The following RXRA variants were observed in gnomAD, a reference collection of about 807,000 sequenced individuals.
RXRA encodes the protein retinoid X receptor alpha, also known as retinoic acid receptor RXR-alpha.
RXRA carries 5 observed loss-of-function variants against 44.5 expected under a neutral mutation model. The ratio of observed to expected loss-of-function variants is 0.11; its 90% confidence interval spans 0.06 to 0.24. RXRA has a LOEUF of 0.24. RXRA is among the 10% of genes least tolerant of loss of function. The pLI is 1.00. For synonymous variants in RXRA, 291 were observed against 271.4 expected, an observed-to-expected ratio of 1.07 and a Z score of -0.71; for missense variants, 412 against 646.5, an observed-to-expected ratio of 0.64 and a Z score of 3.93.
intron 2 of RXRA, chr9:134,403,842 G>A (rs1437625774): frequency 1.3e-5 from 2 of 152,336 alleles, no homozygotes; most frequent in African/African-American, 4.8e-5. Context: ...GAGGTCCCCG[G>A]GGTGGGTGTG....
In RXRA at chr9:134,433,944, G is replaced by C. The variant is rs1372112567; in HGVS notation, c.1136-158G>C. 3.3e-5 allele frequency among the ~76,000 whole-genome samples: 5 copies of C among 151,982 alleles called. No individual in the cohort carries two copies. Among genetic ancestry groups the C allele is most frequent in the Non-Finnish European group, 7.4e-5 (5 of 67,982 alleles). On this transcript the variant is annotated intron_variant, in intron 8 of 9. Coordinates refer to ENST00000481739, the MANE Select transcript of RXRA (RefSeq NM_002957.6). This position sits in a 1 kb window ranked among gnomAD's most constrained non-coding sequence, Gnocchi z 4.2. ...AGTCGTCCCCCTGCCACCAGGCTCT[G>C]GGGGAGCGGGCGGAGGCATGTCCAG...
rs576830013 is a variant in RXRA at position 134,395,626 on chromosome 9, T to C, written c.29-6006T>C. On this transcript the variant is annotated intron_variant, in intron 1 of 9. Transcript: ENST00000481739. ...CCCTGGCTCAGAGCAGGGGCCTGAG[T>C]GTCCATGTTCCCGCAGGTGGGTGAC... Among the ~76,000 whole-genome samples, 677 of 152,198 alleles carry C rather than the reference T, an allele frequency of 4.4e-3. 1 individual carries two copies. The highest frequency in any genetic ancestry group is 7.1e-3 in the Non-Finnish European group (486 of 68,002).
At chr9:134,422,405 G>A (rs1208670213) in intron 6 of RXRA, 23 of 1,251,374 alleles carry the variant, frequency 1.8e-5, no homozygotes, top group East Asian at 6.0e-5. Flanking sequence ...CCCCCGTCCC[G>A]TGACATTCCA....
chr9:134,439,688 T>C lies in RXRA; in HGVS notation c.*3074T>C, dbSNP rs562857335. 6.5e-6 allele frequency: 1 copy of C among 152,774 alleles called. No individual in the cohort carries two copies. The highest frequency in any genetic ancestry group is 6.5e-5 in the Admixed American group (1 of 15,312). The allele number at this position is 152,774 out of a possible 1,614,324, so 9.5% of individuals were successfully genotyped here. A position where few individuals can be genotyped will look rare whatever the true frequency, so the allele number is the denominator to read the frequency against. ...TGGTGTCCCTGTCGTGGAGCTGGGG[T>C]GCGTGATCTGGTGCTCGTCCACGCA... On this transcript the variant is annotated 3_prime_UTR_variant, in exon 10 of 10. Transcript: ENST00000481739.
chr9:134,398,744 A>G (rs1020956663), intron 1 of RXRA, among the ~76,000 whole-genome samples: 1 of 152,208 alleles, frequency 6.6e-6, no homozygotes, highest in African/African-American at 2.4e-5. Context: ...GTCTTCTCCC[A>G]TGGCCTTAAA....
rs1306443269 is a variant in RXRA at position 134,436,923 on chromosome 9, G to A, written c.*309G>A. ...CTGCCACACCCCACGGGGCTTGGGC[G>A]ACTACAGGGTCTTCGGGCCCCAGCC... On this transcript the variant is annotated 3_prime_UTR_variant, in exon 10 of 10. Coordinates refer to ENST00000481739, the MANE Select transcript of RXRA (RefSeq NM_002957.6). 3 of 358,800 alleles carry A rather than the reference G, an allele frequency of 8.4e-6. No individual in the cohort carries two copies. The highest frequency in any genetic ancestry group is 5.4e-5 in the East Asian group (1 of 18,384). 22.2% of individuals were successfully genotyped at this position (358,800 alleles called of 1,614,324 possible). A position where few individuals can be genotyped will look rare whatever the true frequency, so the allele number is the denominator to read the frequency against.
chr9:134,329,454 G>C (rs1386031690), intron 1 of RXRA, among the ~76,000 whole-genome samples: 1 of 152,218 alleles, frequency 6.6e-6, no homozygotes, highest in African/African-American at 2.4e-5. Context: ...GGCCCAGTCC[G>C]ATGGTGGCCC....
At chr9:134,409,761 T>C (rs973720267) in intron 4 of RXRA, among the ~76,000 whole-genome samples, 1 of 152,164 alleles carries the variant, frequency 6.6e-6, no homozygotes, top group African/African-American at 2.4e-5. Context: ...GGCCTCTTAG[T>C]GGGTCCCTGG....
intron 1 of RXRA, among the ~76,000 whole-genome samples, chr9:134,374,453 G>GCGCTGGTCACTGGT (rs1243145584): frequency 6.6e-6 from 1 of 152,218 alleles, no homozygotes; most frequent in Admixed American, 6.5e-5. Context: ...GGTGTGGGCT[G>GCGCTGGTCACTGGT]CGCTGGTCAC....
intron 6 of RXRA, chr9:134,425,033 ACCTGCAATT>A (rs1316981821): frequency 1.0e-6 from 1 of 985,300 alleles, no homozygotes; most frequent in African/African-American, 1.7e-5. Flanking sequence ...GGGTGCCCAG[ACCTGCAATT>A]CCCACCATCG....
At chr9:134,356,561 G>A (rs989732345) in intron 1 of RXRA, among the ~76,000 whole-genome samples, 5 of 152,348 alleles carry the variant, frequency 3.3e-5, no homozygotes, top group African/African-American at 4.8e-5. Context: ...GGGAAGGTCC[G>A]TGGCTGGAGA....
intron 1 of RXRA, among the ~76,000 whole-genome samples, chr9:134,357,351 G>T (rs918029224): frequency 1.3e-5 from 2 of 152,220 alleles, no homozygotes; most frequent in Non-Finnish European, 2.9e-5. Flanking sequence ...GGGAAAAGGG[G>T]ACTTTCAGGG....
intron 1 of RXRA, chr9:134,379,390 T>G (rs185632478): frequency 4.1e-6 from 4 of 987,514 alleles, no homozygotes; most frequent in Admixed American, 6.1e-5. Context: ...GTGAGCTGCT[T>G]CTGGGGCACC....
chr9:134,432,152 G>A (rs1177312239), intron 8 of RXRA, among the ~76,000 whole-genome samples, 156 bp downstream of exon 8: 1 of 152,170 alleles, frequency 6.6e-6, no homozygotes, highest in African/African-American at 2.4e-5. Context: ...TGAAAGTGTG[G>A]CCATGCTGCC....
intron 1 of RXRA, among the ~76,000 whole-genome samples, chr9:134,338,062 G>A (rs933015738): frequency 1.3e-4 from 20 of 152,212 alleles, no homozygotes; most frequent in African/African-American, 4.6e-4. Context: ...GGAGATGGGC[G>A]GTCAGCGGCA....
rs897504269 is a variant in RXRA, at chr9:134,426,935, G to T, written c.911-2173G>T. On this transcript the variant is annotated intron_variant, in intron 6 of 9. Transcript: ENST00000481739. This position sits in a 1 kb window ranked among gnomAD's most constrained non-coding sequence, Gnocchi z 4.6. ...AGAGCCCTTTCCTAGGAGAGCATTT[G>T]CTCTCACTGGATGTCAGACCCAGTG... 4 of 985,218 alleles carry T rather than the reference G, an allele frequency of 4.1e-6. No homozygotes were observed. In the Admixed American group the frequency reaches 1.8e-4, roughly 45 times the overall value. The allele number at this position is 985,218 out of a possible 1,614,324, so 61.0% of individuals were successfully genotyped here.
intron 2 of RXRA, chr9:134,404,509 T>C (rs976866039): frequency 1.3e-5 from 2 of 152,276 alleles, no homozygotes; most frequent in Non-Finnish European, 2.9e-5. Flanking sequence ...GGTGCCAGCT[T>C]CCACACAGCA....
At chr9:134,423,355 T>C (rs1831379943) in intron 6 of RXRA, 1 of 985,468 alleles carries the variant, frequency 1.0e-6, no homozygotes, top group African/African-American at 1.7e-5. Context: ...GCTACCGCAC[T>C]GTGGGCTCCG....
intron 6 of RXRA, chr9:134,425,077 C>G (rs1445592162): frequency 1.0e-6 from 1 of 985,450 alleles, no homozygotes; most frequent in Non-Finnish European, 1.2e-6. Context: ...CATGCAGGTT[C>G]AAGGCCCAAG....
Sources: gnomAD v4.1 joint callset for allele counts (sites outside exome capture counted in the v4.1 genomes callset) on GRCh38, gnomAD v4.1.1 for gene constraint, Gnocchi (gnomAD v3.1) non-coding constraint, MANE v1.5 for transcripts, NCBI Gene and HGNC (gene_info 2026-07-23, HGNC 2026-07-21) for gene names.